The following CCDC85A variants were observed in gnomAD, a reference collection of about 807,000 sequenced individuals.
The protein encoded by CCDC85A is coiled-coil domain containing 85A.
CCDC85A carries 38 observed loss-of-function variants against 50.2 expected under a neutral mutation model. That is an observed-to-expected ratio of 0.76 (90% confidence interval 0.58 to 0.99). The LOEUF is 0.99. Among genes scored for constraint, CCDC85A ranks in the 50% least tolerant of loss-of-function variants. CCDC85A has a pLI of 0.00. For synonymous variants in CCDC85A, 366 were observed against 301.4 expected (o/e 1.21, Z -2.22); for missense variants, 820 against 742.0 (o/e 1.11, Z -1.22).
chr2:56,243,315 C>T (rs1344539372), intron 2 of CCDC85A, among the ~76,000 whole-genome samples: 1 of 151,988 alleles, frequency 6.6e-6, no homozygotes, highest in African/African-American at 2.4e-5. Flanking sequence ...AGGAGTGCTT[C>T]ATTTTTTTTC....
intron 2 of CCDC85A, among the ~76,000 whole-genome samples, chr2:56,241,527 C>T (rs918914150): frequency 6.6e-6 from 1 of 151,938 alleles, no homozygotes. Flanking sequence ...TATTCTGTGT[C>T]TCCATGATTT....
chr2:56,298,252 A>T (rs7580288), intron 2 of CCDC85A, among the ~76,000 whole-genome samples: 9 of 152,156 alleles, frequency 5.9e-5, no homozygotes, highest in South Asian at 4.1e-4. Flanking sequence ...ATGATGCCCA[A>T]TACTCTGAGT....
At position 56,192,860 on chromosome 2, in the gene CCDC85A, C is replaced by T. The variant is rs529831696; in HGVS notation, c.660C>T (p.Asp220=). The T allele has an allele frequency of 4.3e-6, 7 of 1,613,166 alleles. No homozygotes were observed. The South Asian group carries it at 7.7e-5, about 18-fold the overall frequency. Residue 220 remains aspartate, a synonymous_variant, in exon 2 of 6, where the codon GAC becomes GAT. Coordinates refer to ENST00000407595, the MANE Select transcript of CCDC85A (RefSeq NM_001080433.2). This position sits in a 1 kb window ranked among gnomAD's most constrained non-coding sequence, Gnocchi z 4.7. ...GSSTSSTGST[D]SPDHHKHHAS... is the part of the protein sequence containing the mutation. ...GCACCTCCAGCACTGGCAGCACTGA[C>T]AGCCCGGACCACCACAAGCACCACG... is the stretch of plus-strand genomic sequence containing the variant.
chr2:56,294,364 A>T (rs948378619), intron 2 of CCDC85A, among the ~76,000 whole-genome samples: 1 of 152,188 alleles, frequency 6.6e-6, no homozygotes, highest in African/African-American at 2.4e-5. Flanking sequence ...GTGGGTTGAT[A>T]GATGTGGCAA....
intron 2 of CCDC85A, among the ~76,000 whole-genome samples, chr2:56,272,993 T>C (rs929074180): frequency 6.6e-6 from 1 of 152,160 alleles, no homozygotes; most frequent in Non-Finnish European, 1.5e-5. Flanking sequence ...ATAACCATAC[T>C]GAATGACTTA....
At chr2:56,241,957 G>C (rs1439930856) in intron 2 of CCDC85A, among the ~76,000 whole-genome samples, 1 of 152,126 alleles carries the variant, frequency 6.6e-6, no homozygotes, top group African/African-American at 2.4e-5. Flanking sequence ...TAGTATACAA[G>C]TGTTCCTTTT....
At chr2:56,336,602 A>G (rs1458057918) in intron 2 of CCDC85A, among the ~76,000 whole-genome samples, 1 of 152,236 alleles carries the variant, frequency 6.6e-6, no homozygotes, top group Non-Finnish European at 1.5e-5. Flanking sequence ...ACAGTTGCAA[A>G]TACCAATAAT....
At chr2:56,240,943 C>T (rs972817352) in intron 2 of CCDC85A, among the ~76,000 whole-genome samples, 1 of 152,128 alleles carries the variant, frequency 6.6e-6, no homozygotes, top group Admixed American at 6.5e-5. Flanking sequence ...TTTTGAAGAA[C>T]TGACAAGCTT....
chr2:56,376,467 A>T (rs1676342523), intron 5 of CCDC85A, among the ~76,000 whole-genome samples: 1 of 152,212 alleles, frequency 6.6e-6, no homozygotes, highest in East Asian at 1.9e-4. Context: ...AATAGAAAAC[A>T]GATATATGGT....
At chr2:56,300,529 A>G (rs1271675406) in intron 2 of CCDC85A, among the ~76,000 whole-genome samples, 1 of 152,174 alleles carries the variant, frequency 6.6e-6, no homozygotes, top group East Asian at 1.9e-4. Context: ...AGCTTACTCT[A>G]GAATCTGATC....
At position 56,192,175 on chromosome 2, in the gene CCDC85A, G is replaced by C. The variant is rs945197452; in HGVS notation, c.277-302G>C. ...TAATGCAAGTAAAGTATTGTGCAGG[G>C]ATAGAACTGATACTTAAGTTAGTTT... is the stretch of plus-strand genomic sequence containing the variant. On this transcript the variant is annotated intron_variant, in intron 1 of 5. Transcript: ENST00000407595. This position sits in a 1 kb window ranked among gnomAD's most constrained non-coding sequence, Gnocchi z 4.7. Among the ~76,000 whole-genome samples, 1 of 151,728 alleles carries C rather than the reference G, an allele frequency of 6.6e-6. No homozygotes were observed. Among genetic ancestry groups the C allele is most frequent in the Non-Finnish European group, 1.5e-5 (1 of 67,992 alleles).
At chr2:56,248,055 C>T (rs1669587871) in intron 2 of CCDC85A, among the ~76,000 whole-genome samples, 1 of 152,196 alleles carries the variant, frequency 6.6e-6, no homozygotes, top group Non-Finnish European at 1.5e-5. Flanking sequence ...TTCTCTCTCA[C>T]TGGATCATTT....
At chr2:56,378,104 C>T (rs1676423122) in intron 5 of CCDC85A, among the ~76,000 whole-genome samples, 2 of 152,200 alleles carry the variant, frequency 1.3e-5, no homozygotes, top group African/African-American at 2.4e-5. Context: ...TTGGGAAATA[C>T]ATCTTAAAAA....
intron 2 of CCDC85A, among the ~76,000 whole-genome samples, chr2:56,266,578 G>GACCCCC (rs71393521): frequency 1.7e-5 from 1 of 60,304 alleles, no homozygotes; most frequent in Admixed American, 3.1e-4. Flanking sequence ...ACAATAACGC[G>GACCCCC]CCCCCCCCCC....
intron 4 of CCDC85A, among the ~76,000 whole-genome samples, chr2:56,374,763 C>T (rs905815062): frequency 2.6e-5 from 4 of 152,188 alleles, no homozygotes; most frequent in African/African-American, 7.2e-5. Flanking sequence ...GAACAATGAT[C>T]GTGCCACTGC....
chr2:56,260,584 G>A (rs1357209236), intron 2 of CCDC85A, among the ~76,000 whole-genome samples: 2 of 152,202 alleles, frequency 1.3e-5, no homozygotes, highest in Non-Finnish European at 2.9e-5. Context: ...AGTTCAGCCT[G>A]TTGAGCAGGG....
chr2:56,334,631 A>G (rs1365821888), intron 2 of CCDC85A, among the ~76,000 whole-genome samples: 1 of 152,188 alleles, frequency 6.6e-6, no homozygotes, highest in Non-Finnish European at 1.5e-5. Flanking sequence ...GCTTTGCAAT[A>G]TCTCATTGAG....
chr2:56,239,910 T>G (rs1669180317), intron 2 of CCDC85A, among the ~76,000 whole-genome samples: 1 of 152,156 alleles, frequency 6.6e-6, no homozygotes. Context: ...TATATCTGTT[T>G]TATGGTAAGT....
rs970136306 is a variant in CCDC85A at position 56,192,365 on chromosome 2, C to A, written c.277-112C>A. The A allele has an allele frequency of 6.8e-6, 10 of 1,468,544 alleles. No homozygotes were observed. Among genetic ancestry groups the A allele is most frequent in the Non-Finnish European group, 9.1e-6 (10 of 1,096,330 alleles). 91.0% of individuals were successfully genotyped at this position (1,468,544 alleles called of 1,614,324 possible). A position where few individuals can be genotyped will look rare whatever the true frequency, so the allele number is the denominator to read the frequency against. ...CTTCCTCCTACTCCCTCACCTCCTC[C>A]CCTAACCTCACAGGTAATTCACCAG... On this transcript the variant is annotated intron_variant, in intron 1 of 5. Transcript: ENST00000407595. The surrounding 1 kb of genome is among the most constrained non-coding windows in gnomAD (Gnocchi z 4.7).
Sources: allele counts gnomAD v4.1 joint callset (sites outside exome capture counted in the v4.1 genomes callset), GRCh38; gene constraint gnomAD v4.1.1; non-coding constraint Gnocchi (gnomAD v3.1); transcripts MANE v1.5; gene names NCBI Gene and HGNC (gene_info 2026-07-23, HGNC 2026-07-21).